CDH18: variants seen among roughly 807,000 people sequenced by gnomAD.
CDH18 encodes the protein cadherin-18.
CDH18 carries 31 observed loss-of-function variants against 67.9 expected under a neutral mutation model. That is an observed-to-expected ratio of 0.46 (90% CI 0.34 to 0.62). The LOEUF is 0.62. CDH18 is among the 20% of genes least tolerant of loss of function. The probability of loss-of-function intolerance (pLI) is 0.01; values close to 1 mark genes in which losing one functional copy is unlikely to be tolerated. For synonymous variants in CDH18, 362 were observed against 347.2 expected (o/e 1.04, Z -0.48); for missense variants, 890 against 975.5 (o/e 0.91, Z 1.17).
At chr5:20,154,168 T>C (rs1580360201) in intron 2 of CDH18, among the ~76,000 whole-genome samples, 1 of 152,274 alleles carries the variant, frequency 6.6e-6, no homozygotes, top group South Asian at 2.1e-4. Flanking sequence ...TGACTATATC[T>C]CCTATCCAGA....
chr5:20,494,100 GCAAA>G (rs1172625782), intron 1 of CDH18, among the ~76,000 whole-genome samples: 1 of 151,698 alleles, frequency 6.6e-6, no homozygotes, highest in Non-Finnish European at 1.5e-5. Flanking sequence ...AAACAAACAA[GCAAA>G]CAAATAAAAA....
chr5:19,750,605 A>G (rs1387279155), intron 3 of CDH18, among the ~76,000 whole-genome samples: 1 of 152,140 alleles, frequency 6.6e-6, no homozygotes, highest in African/African-American at 2.4e-5. Context: ...AATACTCCAT[A>G]TATAGACATG....
intron 11 of CDH18, among the ~76,000 whole-genome samples, chr5:19,489,165 T>C (rs1002053182): frequency 1.3e-5 from 2 of 151,964 alleles, no homozygotes; most frequent in African/African-American, 2.4e-5. Context: ...ACCTAGTATA[T>C]AGAAAAATTT....
At chr5:20,468,706 C>G (rs541742129) in intron 1 of CDH18, among the ~76,000 whole-genome samples, 88 of 152,244 alleles carry the variant, frequency 5.8e-4, no homozygotes, top group African/African-American at 2.0e-3. Context: ...CAAACTTACA[C>G]TGACTAAATA....
chr5:20,334,686 A>G (rs1739542042), intron 1 of CDH18, among the ~76,000 whole-genome samples: 1 of 152,016 alleles, frequency 6.6e-6, no homozygotes, highest in South Asian at 2.1e-4. Flanking sequence ...ATTTATTAAA[A>G]GAAATTCTCC....
intron 2 of CDH18, among the ~76,000 whole-genome samples, chr5:20,236,327 TA>T (rs1561900461): frequency 6.6e-6 from 1 of 150,446 alleles, no homozygotes; most frequent in African/African-American, 2.4e-5. Flanking sequence ...TACAGAGAAA[TA>T]AAAAGAAGAA....
chr5:19,738,887 C>T (rs1336076493), intron 4 of CDH18, among the ~76,000 whole-genome samples: 5 of 151,808 alleles, frequency 3.3e-5, no homozygotes, highest in African/African-American at 9.7e-5. Flanking sequence ...GTTCATATAC[C>T]GTTGAACTTA....
At chr5:20,317,295 C>A (rs1253130149) in intron 1 of CDH18, among the ~76,000 whole-genome samples, 1 of 151,914 alleles carries the variant, frequency 6.6e-6, no homozygotes, top group Non-Finnish European at 1.5e-5. Context: ...TATTTAAATG[C>A]AATTTCATAT....
chr5:20,315,301 A>G (rs1360605100), intron 1 of CDH18, among the ~76,000 whole-genome samples: 4 of 152,004 alleles, frequency 2.6e-5, no homozygotes, highest in Non-Finnish European at 4.4e-5. Context: ...CATTGCTTCT[A>G]GCTCAGTGTT....
At chr5:19,771,387 A>C (rs1773713199) in intron 3 of CDH18, among the ~76,000 whole-genome samples, 2 of 152,260 alleles carry the variant, frequency 1.3e-5, no homozygotes, top group African/African-American at 4.8e-5. Flanking sequence ...GAAAGCTGCC[A>C]TGCATGAGAA....
At chr5:19,509,908 A>T (rs1424110757) in intron 10 of CDH18, among the ~76,000 whole-genome samples, 3 of 152,116 alleles carry the variant, frequency 2.0e-5, no homozygotes, top group Admixed American at 2.0e-4. Context: ...TTTTCAGAAC[A>T]GGAAAATATA....
At chr5:19,593,615 T>A (rs1479856753) in intron 6 of CDH18, among the ~76,000 whole-genome samples, 1 of 101,060 alleles carries the variant, frequency 9.9e-6, no homozygotes, top group Non-Finnish European at 1.9e-5. Context: ...CCACTCCCCC[T>A]CCCGTTCTTC....
In CDH18 at chr5:20,228,794, T is replaced by C. The variant is rs1284792242; in HGVS notation, c.-518+26650A>G. Among the ~76,000 whole-genome samples the C allele has an allele frequency of 3.3e-5, 5 of 152,114 alleles. No individual in the cohort carries two copies. The East Asian group carries it at 9.6e-4, about 29-fold the overall frequency. ...TATGTTGCCACAAATGACAGGGTTT[T>C]CTTATTTTTATATTTCTATCAATGG... is the stretch of plus-strand genomic sequence containing the variant. On this transcript the variant is annotated intron_variant, in intron 2 of 14. Coordinates refer to the CDH18 transcript ENST00000507958.
chr5:19,630,510 T>G (rs892620162), intron 5 of CDH18, among the ~76,000 whole-genome samples: 3 of 152,060 alleles, frequency 2.0e-5, no homozygotes, highest in African/African-American at 7.2e-5. Context: ...TTGGTTTTGC[T>G]GCTAAGAAGG....
intron 3 of CDH18, among the ~76,000 whole-genome samples, chr5:19,747,659 AT>A (rs984257245): frequency 1.3e-5 from 2 of 152,170 alleles, no homozygotes; most frequent in African/African-American, 2.4e-5. Context: ...TAGAAAAAAA[AT>A]ATATGGTAGG....
At chr5:20,324,727 T>G (rs890467877) in intron 1 of CDH18, among the ~76,000 whole-genome samples, 24 of 152,138 alleles carry the variant, frequency 1.6e-4, no homozygotes, top group African/African-American at 5.8e-4. Flanking sequence ...TTGTTTACAG[T>G]CCAAAGACAT....
chr5:19,751,807 A>C (rs114560388), intron 3 of CDH18, among the ~76,000 whole-genome samples: 4 of 152,226 alleles, frequency 2.6e-5, no homozygotes, highest in African/African-American at 9.6e-5. Flanking sequence ...ATTTTTAAAA[A>C]TTTAATCCAT....
intron 2 of CDH18, among the ~76,000 whole-genome samples, chr5:20,100,973 G>T (rs1033029713): frequency 6.6e-6 from 1 of 151,726 alleles, no homozygotes; most frequent in Non-Finnish European, 1.5e-5. Flanking sequence ...TCCTTTCTAA[G>T]ACAGGGTCTC....
intron 5 of CDH18, among the ~76,000 whole-genome samples, chr5:19,694,383 A>AT (rs1762278067): frequency 6.6e-6 from 1 of 152,148 alleles, no homozygotes; most frequent in African/African-American, 2.4e-5. Context: ...ATGTTAACTA[A>AT]TAGGATTGCC....
Sources: gnomAD v4.1 joint callset for allele counts (sites outside exome capture counted in the v4.1 genomes callset) on GRCh38, gnomAD v4.1.1 for gene constraint, MANE v1.5 for transcripts, NCBI Gene and HGNC (gene_info 2026-07-23, HGNC 2026-07-21) for gene names.